MOV10L1: variants seen among roughly 807,000 people sequenced by gnomAD.
The protein encoded by MOV10L1 is Mov10 like RNA helicase 1.
Under a neutral mutation model 143.8 loss-of-function variants are expected in MOV10L1, and 110 were observed. That is an observed-to-expected ratio of 0.76 (90% CI 0.66 to 0.90). The LOEUF is 0.90. Ranked by LOEUF, MOV10L1 falls within the 40% of genes least tolerant of loss-of-function variation. The probability of loss-of-function intolerance (pLI) is 0.00; values close to 1 mark genes in which losing one functional copy is unlikely to be tolerated. For missense variants in MOV10L1, 1,406 were observed against 1,526.8 expected, an observed-to-expected ratio of 0.92 and a Z score of 1.32; for synonymous variants, 593 against 581.1, an observed-to-expected ratio of 1.02 and a Z score of -0.29.
chr22:50,119,169 G>A (rs2062265364), intron 9 of MOV10L1, among the ~76,000 whole-genome samples: 1 of 152,056 alleles, frequency 6.6e-6, no homozygotes, highest in Admixed American at 6.5e-5. Context: ...TTAACCCCCT[G>A]GTCAGTTACT....
chr22:50,109,666 T>TAA (rs2061968160), intron 5 of MOV10L1: 1 of 160,304 alleles, frequency 6.2e-6, no homozygotes, highest in Admixed American at 6.3e-5. Flanking sequence ...GCGAGACTCC[T>TAA]TCTCAAAAAA....
chr22:50,157,247 A>G (rs1216031435), intron 22 of MOV10L1, among the ~76,000 whole-genome samples: 1 of 151,322 alleles, frequency 6.6e-6, no homozygotes, highest in Non-Finnish European at 1.5e-5. Context: ...TTAACTTCTT[A>G]TATACTATTT....
At chr22:50,147,147 C>T (rs1295168218) in intron 19 of MOV10L1, 1 of 1,590,500 alleles carries the variant, frequency 6.3e-7, no homozygotes, top group Non-Finnish European at 8.6e-7. Context: ...AGCTGATGTT[C>T]AGGTAGTGGG....
At position 50,152,820 on chromosome 22, in the gene MOV10L1, C is replaced by T. The variant is rs2063333794; in HGVS notation, c.2893-225C>T. ...GGAGAGGAACAGAGGGCAGCCGTCACACCCTTTTCTTCCTGATGTTTCCAT... is the reference window on the plus strand; with the variant it reads ...GGAGAGGAACAGAGGGCAGCCGTCATACCCTTTTCTTCCTGATGTTTCCAT... On this transcript the variant is annotated intron_variant, in intron 21 of 26. Coordinates refer to ENST00000262794, the MANE Select transcript of MOV10L1 (RefSeq NM_018995.3). The surrounding 1 kb of genome is among the most constrained non-coding windows in gnomAD (Gnocchi z 4.4). Among the ~76,000 whole-genome samples, 2 of 152,158 alleles carry T rather than the reference C, an allele frequency of 1.3e-5. No homozygotes were observed. Among genetic ancestry groups the T allele is most frequent in the South Asian group, 4.1e-4 (2 of 4,828 alleles).
At chr22:50,146,124 G>A (rs923817052) in intron 19 of MOV10L1, among the ~76,000 whole-genome samples, 1 of 150,516 alleles carries the variant, frequency 6.6e-6, no homozygotes, top group African/African-American at 2.4e-5. Context: ...GAGCAGGAAC[G>A]GCCTGAAAGG....
intron 8 of MOV10L1, among the ~76,000 whole-genome samples, chr22:50,115,647 G>A (rs1418628571): frequency 1.3e-5 from 2 of 152,162 alleles, no homozygotes; most frequent in Non-Finnish European, 2.9e-5. Context: ...ACCCACCTGG[G>A]GCAATGGATC....
At chr22:50,134,660 A>G (rs1280040824) in intron 15 of MOV10L1, 30 bp downstream of exon 15, 4 of 1,596,026 alleles carry the variant, frequency 2.5e-6, no homozygotes, top group Non-Finnish European at 3.4e-6. Flanking sequence ...CTTTCTCTAC[A>G]CAGGGGATGG....
chr22:50,122,483 G>A (rs1209105105), intron 10 of MOV10L1, among the ~76,000 whole-genome samples: 4 of 152,088 alleles, frequency 2.6e-5, no homozygotes, highest in African/African-American at 9.7e-5. Context: ...AATTATGCAT[G>A]CCATCTGCAA....
intron 10 of MOV10L1, 87 bp downstream of exon 10, chr22:50,120,703 C>A (rs1569294959): frequency 2.1e-6 from 2 of 943,166 alleles, no homozygotes; most frequent in Non-Finnish European, 3.3e-6. Context: ...TTCTCAGGTT[C>A]AGACCTTCAT....
chr22:50,098,932 T>C (rs543732436), intron 2 of MOV10L1, among the ~76,000 whole-genome samples: 47 of 152,048 alleles, frequency 3.1e-4, no homozygotes, highest in Non-Finnish European at 6.3e-4. Flanking sequence ...ATCATCGTGA[T>C]TTTTTCCCTC....
At chr22:50,136,855 A>T (rs1405077274) in intron 15 of MOV10L1, among the ~76,000 whole-genome samples, 1 of 152,200 alleles carries the variant, frequency 6.6e-6, no homozygotes, top group Non-Finnish European at 1.5e-5. Context: ...AACAATCCTT[A>T]AAAGTTGACA....
chr22:50,100,034 C>T (rs951376104), intron 3 of MOV10L1, among the ~76,000 whole-genome samples: 1 of 151,912 alleles, frequency 6.6e-6, no homozygotes, highest in Non-Finnish European at 1.5e-5. Flanking sequence ...CTCTGTTGCC[C>T]AGGCTGGAGT....
At chr22:50,122,863 T>C (rs963543745) in intron 10 of MOV10L1, among the ~76,000 whole-genome samples, 2 of 151,436 alleles carry the variant, frequency 1.3e-5, no homozygotes, top group Admixed American at 1.3e-4. Flanking sequence ...CTCACAGCTG[T>C]GACTGCAGCG....
At chr22:50,097,134 A>G (rs2147026961) in intron 2 of MOV10L1, among the ~76,000 whole-genome samples, 1 of 152,270 alleles carries the variant, frequency 6.6e-6, no homozygotes, top group East Asian at 1.9e-4. Context: ...ATTTTTTGAG[A>G]CAGGATCTCA....
intron 2 of MOV10L1, among the ~76,000 whole-genome samples, chr22:50,098,219 T>C (rs2062640352): frequency 1.4e-5 from 1 of 69,688 alleles, no homozygotes; most frequent in Non-Finnish European, 3.1e-5. Flanking sequence ...AATAATTAAG[T>C]ATTAAGATTA....
At chr22:50,133,475 A>G (rs1179455562) in intron 13 of MOV10L1, among the ~76,000 whole-genome samples, 2 of 149,796 alleles carry the variant, frequency 1.3e-5, no homozygotes, top group African/African-American at 2.4e-5. Context: ...AAAAAAAGAA[A>G]GAAAGAATGG....
intron 5 of MOV10L1, among the ~76,000 whole-genome samples, chr22:50,109,361 C>T (rs944299713): frequency 6.6e-6 from 1 of 151,538 alleles, no homozygotes; most frequent in Non-Finnish European, 1.5e-5. Context: ...CCCATCTCTA[C>T]AAAACATTAA....
In MOV10L1 at chr22:50,108,773, T is replaced by C. The variant is rs143617541; in HGVS notation, c.672T>C (p.Asn224=). The change falls in exon 5 of 27, where the codon AAT becomes AAC. Residue 224 remains asparagine, a synonymous_variant. Coordinates refer to ENST00000262794, the MANE Select transcript of MOV10L1 (RefSeq NM_018995.3). ...CACCCCGGAGAGGTGACGTGGTCAA[T>C]GCAGTGGTGGTGGAGAGCAGCCAGT... The part of the protein sequence containing the change: ...GYTPRRGDVV[N]AVVVESSQSC... 6.2e-6 allele frequency: 10 copies of C among 1,614,074 alleles called. No individual in the cohort carries two copies. Among genetic ancestry groups the C allele is most frequent in the African/African-American group, 4.0e-5 (3 of 74,926 alleles).
In MOV10L1 at chr22:50,113,848, TCAA is replaced by T. The variant is rs1602189215; in HGVS notation, c.884+61_884+63del. 4.4e-6 allele frequency: 6 copies of T among 1,376,050 alleles called. No homozygotes were observed. The East Asian group carries it at 1.1e-4, about 25-fold the overall frequency. 85.2% of individuals were successfully genotyped at this position (1,376,050 alleles called of 1,614,324 possible). ...ACATTAATGGCTTTTACACTATGAC[TCAA>T]TAATTTCTGTAAAACCAACTTTACT... On this transcript the variant is annotated intron_variant, in intron 6 of 26. Coordinates refer to ENST00000262794, the MANE Select transcript of MOV10L1 (RefSeq NM_018995.3).
Sources: gnomAD v4.1 joint callset for allele counts (sites outside exome capture counted in the v4.1 genomes callset) on GRCh38, gnomAD v4.1.1 for gene constraint, Gnocchi (gnomAD v3.1) non-coding constraint, MANE v1.5 for transcripts, NCBI Gene and HGNC (gene_info 2026-07-23, HGNC 2026-07-21) for gene names.